NLRP5: variants seen among roughly 807,000 people sequenced by gnomAD.
The protein encoded by NLRP5 is NLR family pyrin domain containing 5, also known as NACHT, LRR and PYD domains-containing protein 5.
A neutral mutation model predicts 113.1 loss-of-function variants in NLRP5; 93 were observed. The ratio of observed to expected loss-of-function variants is 0.82; its 90% CI spans 0.70 to 0.98. NLRP5 has a LOEUF of 0.98. Ranked by LOEUF, NLRP5 falls within the 50% of genes least tolerant of loss-of-function variation. NLRP5 has a pLI of 0.00. For synonymous variants in NLRP5, 751 were observed against 600.7 expected, an observed-to-expected ratio of 1.25 and a Z score of -3.66; for missense variants, 1,808 against 1,514.3, an observed-to-expected ratio of 1.19 and a Z score of -3.22.
In NLRP5 at chr19:56,029,882, C is replaced by T. The variant is rs548391586; in HGVS notation, c.2276+1373C>T. Among the ~76,000 whole-genome samples, 5 of 151,040 alleles carry T rather than the reference C, an allele frequency of 3.3e-5. No homozygotes were observed. In the South Asian group the frequency reaches 6.3e-4, roughly 19 times the overall value. ...CCAGCCTGGCCAACATAGTGAAACC[C>T]CATCTCTACTAAAAATACAAAAATT... On this transcript the variant is annotated intron_variant, in intron 7 of 14. Transcript: ENST00000390649.
At chr19:56,000,144 C>T (rs183482558) in intron 1 of NLRP5, among the ~76,000 whole-genome samples, 214 of 151,940 alleles carry the variant, frequency 1.4e-3, no homozygotes, top group Non-Finnish European at 2.4e-3. Flanking sequence ...CACCTCTCCA[C>T]TCTTCTCAAT....
chr19:56,026,527 C>CAAA (rs375845864), intron 6 of NLRP5, among the ~76,000 whole-genome samples: 1,624 of 40,168 alleles, frequency 0.04, 172 homozygotes, highest in African/African-American at 0.095. Flanking sequence ...GACTCCATCT[C>CAAA]AAAAAAAAAA....
At chr19:56,004,820 C>T (rs943918763) in intron 2 of NLRP5, among the ~76,000 whole-genome samples, 1 of 152,020 alleles carries the variant, frequency 6.6e-6, no homozygotes, top group South Asian at 2.1e-4. Flanking sequence ...GGGCTGGATG[C>T]AGTGACTCAT....
intron 6 of NLRP5, among the ~76,000 whole-genome samples, chr19:56,025,000 G>C (rs1393158150): frequency 1.3e-5 from 2 of 152,028 alleles, no homozygotes; most frequent in African/African-American, 4.8e-5. Flanking sequence ...GGTTCTTCCA[G>C]GAGCATGAGC....
At chr19:56,058,987 G>A (rs1039672504) in intron 14 of NLRP5, among the ~76,000 whole-genome samples, 6 of 152,176 alleles carry the variant, frequency 3.9e-5, no homozygotes, top group African/African-American at 1.2e-4. Context: ...ATTCTACCTC[G>A]AAGAGGTACT....
chr19:55,991,928 G>A, the NLRP5 span, among the ~76,000 whole-genome samples: 1 of 135,846 alleles, frequency 7.4e-6, no homozygotes, highest in East Asian at 2.7e-4. Flanking sequence ...AGGTAAACTT[G>A]TGTCATGGGG....
In NLRP5 at chr19:56,003,703, A is replaced by G; in HGVS notation, c.63-13A>G. 1 of 1,569,662 alleles carries G rather than the reference A, an allele frequency of 6.4e-7. No individual in the cohort carries two copies. Among genetic ancestry groups the G allele is most frequent in the Non-Finnish European group, 8.6e-7 (1 of 1,159,936 alleles). On this transcript the variant is annotated splice_polypyrimidine_tract_variant and intron_variant, in intron 1 of 14. Coordinates refer to ENST00000390649, the MANE Select transcript of NLRP5 (RefSeq NM_153447.4). ...TATCTACTTGAGAATTTGCTGCAAG[A>G]TCCTCTTTTAAGTCTTGTCACTCTT... is the stretch of plus-strand genomic sequence containing the variant.
intron 1 of NLRP5, among the ~76,000 whole-genome samples, chr19:56,000,366 TTTTTG>T (rs1568479400): frequency 1.3e-5 from 2 of 152,120 alleles, no homozygotes; most frequent in East Asian, 3.9e-4. Context: ...CTCATGTTTT[TTTTTG>T]TTTGTTTTTT....
chr19:56,003,688 A>G (rs1226945462), intron 1 of NLRP5, 48 bp from the exon 2 acceptor site: 7 of 1,557,702 alleles, frequency 4.5e-6, no homozygotes, highest in Admixed American at 2.0e-5. Flanking sequence ...TATCTACTTG[A>G]GAATTTGCTG....
chr19:56,009,120 C>T (rs762637079), intron 3 of NLRP5, among the ~76,000 whole-genome samples: 2 of 151,990 alleles, frequency 1.3e-5, no homozygotes, highest in African/African-American at 4.8e-5. Flanking sequence ...GGGCAGATCA[C>T]CTGAGGTCAG....
chr19:56,052,676 G>T (rs1006368282), intron 12 of NLRP5, among the ~76,000 whole-genome samples: 5 of 152,146 alleles, frequency 3.3e-5, no homozygotes, highest in Non-Finnish European at 7.3e-5. Context: ...AGACTTGGAG[G>T]CCGTTTCAGT....
intron 3 of NLRP5, among the ~76,000 whole-genome samples, chr19:56,013,191 T>A (rs1273152079): frequency 6.6e-6 from 1 of 152,046 alleles, no homozygotes; most frequent in Non-Finnish European, 1.5e-5. Context: ...CATAATGTTT[T>A]TGTTTTTTGT....
At chr19:56,044,199 G>C (rs896031153) in intron 11 of NLRP5, among the ~76,000 whole-genome samples, 19 of 151,918 alleles carry the variant, frequency 1.3e-4, no homozygotes, top group African/African-American at 4.6e-4. Context: ...CAGTAGCTGA[G>C]ATTACAGGCA....
At chr19:56,056,201 C>G (rs918203728) in intron 13 of NLRP5, among the ~76,000 whole-genome samples, 2 of 152,076 alleles carry the variant, frequency 1.3e-5, no homozygotes, top group East Asian at 3.9e-4. Flanking sequence ...CTAGGAAAGC[C>G]CTAAATCTTC....
intron 14 of NLRP5, among the ~76,000 whole-genome samples, chr19:56,060,210 G>A (rs1036261549): frequency 2.6e-5 from 4 of 152,332 alleles, no homozygotes; most frequent in Non-Finnish European, 5.9e-5. Flanking sequence ...ATAGAAGTCA[G>A]ACCTGGATTT....
chr19:56,050,751 C>A (rs759501470), intron 12 of NLRP5, among the ~76,000 whole-genome samples, 163 bp downstream of exon 12: 6 of 152,106 alleles, frequency 3.9e-5, no homozygotes, highest in Admixed American at 3.9e-4. Flanking sequence ...GTGTTGACAC[C>A]ACGGTGAGCA....
intron 9 of NLRP5, among the ~76,000 whole-genome samples, chr19:56,037,251 A>C (rs1983350956): frequency 6.6e-6 from 1 of 152,154 alleles, no homozygotes; most frequent in Non-Finnish European, 1.5e-5. Context: ...CGTGCCCTTC[A>C]GCAAATGCTC....
intron 4 of NLRP5, 115 bp downstream of exon 4, chr19:56,015,913 T>C (rs1356860183): frequency 1.4e-6 from 1 of 727,716 alleles, no homozygotes; most frequent in African/African-American, 1.8e-5. Flanking sequence ...TCCTCATTTG[T>C]CTCTGGTGTG....
rs770170950 is a variant in NLRP5 at position 56,028,075 on chromosome 19, G to A, written c.1842G>A (p.Lys614=). Reference sequence around the variant, plus strand: ...CTCTCTGCCCTCTGTACGTTGAGAAGACAAAGAGGTCCATGGAGCTTAAAC... The same window carrying A: ...CTCTCTGCCCTCTGTACGTTGAGAAAACAAAGAGGTCCATGGAGCTTAAAC... Residue 614 remains lysine, a synonymous_variant, in exon 7 of 15, where the codon AAG becomes AAA. Coordinates refer to ENST00000390649, the MANE Select transcript of NLRP5 (RefSeq NM_153447.4). 3.1e-6 allele frequency: 5 copies of A among 1,614,026 alleles called. No homozygotes were observed. The highest frequency in any genetic ancestry group is 1.1e-5 in the South Asian group (1 of 91,088).
Sources: allele counts gnomAD v4.1 joint callset (sites outside exome capture counted in the v4.1 genomes callset), GRCh38; gene constraint gnomAD v4.1.1; transcripts MANE v1.5; gene names NCBI Gene and HGNC (gene_info 2026-07-23, HGNC 2026-07-21).